GLIS3: variants seen among roughly 807,000 people sequenced by gnomAD.
GLIS3 encodes GLIS family zinc finger 3.
GLIS3 carries 53 observed loss-of-function variants against 78.6 expected under a neutral mutation model. That is an observed-to-expected ratio of 0.67 (90% CI 0.54 to 0.85). GLIS3 has a LOEUF of 0.85. Ranked by LOEUF, GLIS3 falls within the 40% of genes least tolerant of loss-of-function variation. GLIS3 has a pLI of 0.00. For synonymous variants in GLIS3, 684 were observed against 509.9 expected (o/e 1.34, Z -4.60); for missense variants, 1,703 against 1,231.1 (o/e 1.38, Z -5.74).
chr9:4,240,174 T>C (rs1212660678), intron 2 of GLIS3, among the ~76,000 whole-genome samples: 1 of 108,564 alleles, frequency 9.2e-6, no homozygotes, highest in Non-Finnish European at 1.9e-5. Context: ...GAAGACAATT[T>C]TTCCACAGAT....
At chr9:4,384,036 T>TG in the GLIS3 span, among the ~76,000 whole-genome samples, 1 of 152,218 alleles carries the variant, frequency 6.6e-6, no homozygotes, top group Non-Finnish European at 1.5e-5. Flanking sequence ...CAATCAGTCA[T>TG]GTCATTTATA....
chr9:3,943,297 G>A (rs1205600722), intron 4 of GLIS3, among the ~76,000 whole-genome samples: 2 of 152,188 alleles, frequency 1.3e-5, no homozygotes, highest in South Asian at 2.1e-4. Flanking sequence ...TTCATGAATC[G>A]ATTATGTGGA....
intron 9 of GLIS3, among the ~76,000 whole-genome samples, chr9:3,839,994 C>T (rs1050207018): frequency 6.6e-6 from 1 of 152,126 alleles, no homozygotes; most frequent in Non-Finnish European, 1.5e-5. Flanking sequence ...ATTGCATTAA[C>T]GACTTGGATT....
chr9:4,136,053 G>C lies in GLIS3; in HGVS notation c.389-10112C>G, dbSNP rs1024539528. ...AACACCAAAGGATGACAATTAGAATGAAATAACCGGCTCCTATATTCAGGG... is the reference window on the plus strand; with the variant it reads ...AACACCAAAGGATGACAATTAGAATCAAATAACCGGCTCCTATATTCAGGG... On this transcript the variant is annotated intron_variant, in intron 2 of 10. Coordinates refer to ENST00000381971, the MANE Select transcript of GLIS3 (RefSeq NM_001042413.2). Among the ~76,000 whole-genome samples the C allele has an allele frequency of 9.2e-5, 14 of 152,296 alleles. No individual in the cohort carries two copies. The South Asian group carries it at 2.9e-3, about 32-fold the overall frequency.
At chr9:4,393,532 C>T in the GLIS3 span, among the ~76,000 whole-genome samples, 19 of 152,130 alleles carry the variant, frequency 1.2e-4, no homozygotes, top group African/African-American at 3.4e-4. Context: ...GATCTAATCC[C>T]GTATCGCATT....
chr9:4,441,019 C>T, the GLIS3 span, among the ~76,000 whole-genome samples: 2 of 152,084 alleles, frequency 1.3e-5, no homozygotes, highest in Non-Finnish European at 2.9e-5. Context: ...TGCAACTTTA[C>T]TAAATTCATT....
chr9:4,192,442 A>G (rs1410946118), intron 2 of GLIS3, among the ~76,000 whole-genome samples: 1 of 152,244 alleles, frequency 6.6e-6, no homozygotes, highest in Non-Finnish European at 1.5e-5. Flanking sequence ...ATGGGAAAAC[A>G]TGTTCCAAGT....
the GLIS3 span, among the ~76,000 whole-genome samples, chr9:4,396,141 C>G: frequency 6.7e-6 from 1 of 149,990 alleles, no homozygotes; most frequent in East Asian, 1.9e-4. Flanking sequence ...TAGATGGAAT[C>G]TCACTCCGTC....
chr9:4,303,311 A>G (rs1400349828), upstream of GLIS3, among the ~76,000 whole-genome samples: 1 of 152,080 alleles, frequency 6.6e-6, no homozygotes, highest in Non-Finnish European at 1.5e-5. Context: ...CAGTCCAGTT[A>G]CGTAGAAATG....
At chr9:4,437,709 C>T in the GLIS3 span, among the ~76,000 whole-genome samples, 3 of 152,072 alleles carry the variant, frequency 2.0e-5, no homozygotes, top group African/African-American at 4.8e-5. Flanking sequence ...TCCACTTCTC[C>T]CTCTGCCACC....
chr9:4,291,763 A>G (rs549228687), intron 1 of GLIS3, among the ~76,000 whole-genome samples: 5 of 152,302 alleles, frequency 3.3e-5, no homozygotes, highest in African/African-American at 7.2e-5. Context: ...CAGGACCTTC[A>G]GGAATACACC....
intron 4 of GLIS3, among the ~76,000 whole-genome samples, chr9:4,003,916 G>C (rs557942281): frequency 3.3e-5 from 5 of 152,170 alleles, no homozygotes; most frequent in Non-Finnish European, 5.9e-5. Context: ...CGTGGTTAAG[G>C]CAGAGATCTT....
At chr9:4,349,689 T>A (rs971323020), upstream of GLIS3, among the ~76,000 whole-genome samples, 1 of 152,058 alleles carries the variant, frequency 6.6e-6, no homozygotes, top group Admixed American at 6.6e-5. Context: ...AGAGCATCAC[T>A]CTAAGCACAC....
At chr9:4,335,327 C>T (rs1817741903) in intron 2 of GLIS3, among the ~76,000 whole-genome samples, 1 of 152,150 alleles carries the variant, frequency 6.6e-6, no homozygotes, top group Non-Finnish European at 1.5e-5. Flanking sequence ...AGCCCTAAGC[C>T]AATTAACCTG....
intron 9 of GLIS3, among the ~76,000 whole-genome samples, chr9:3,854,020 A>G (rs1372541253): frequency 6.6e-6 from 1 of 152,220 alleles, no homozygotes; most frequent in Non-Finnish European, 1.5e-5. Flanking sequence ...AGCGATGTTA[A>G]AATGTGAAGG....
chr9:3,879,905 G>T (rs1821614393), intron 7 of GLIS3, among the ~76,000 whole-genome samples: 1 of 152,094 alleles, frequency 6.6e-6, no homozygotes, highest in African/African-American at 2.4e-5. Context: ...TTGCATCTGT[G>T]CCAAGGTCTC....
chr9:4,443,324 G>A, the GLIS3 span, among the ~76,000 whole-genome samples: 3 of 152,146 alleles, frequency 2.0e-5, no homozygotes, highest in Non-Finnish European at 4.4e-5. Context: ...GTCCATGTCT[G>A]CATTACAGAG....
At chr9:4,307,103 T>G (rs1245991750) in intron 4 of GLIS3, among the ~76,000 whole-genome samples, 1 of 152,206 alleles carries the variant, frequency 6.6e-6, no homozygotes, top group African/African-American at 2.4e-5. Context: ...AGGGGCTTAT[T>G]ATGTATCAGG....
chr9:4,073,320 C>T (rs1159772894), intron 4 of GLIS3, among the ~76,000 whole-genome samples: 1 of 152,194 alleles, frequency 6.6e-6, no homozygotes, highest in African/African-American at 2.4e-5. Context: ...ATCAAATCAC[C>T]TGGGGATTTG....
Sources: gnomAD v4.1 joint callset for allele counts (sites outside exome capture counted in the v4.1 genomes callset) on GRCh38, gnomAD v4.1.1 for gene constraint, MANE v1.5 for transcripts, NCBI Gene and HGNC (gene_info 2026-07-23, HGNC 2026-07-21) for gene names.